The following SGCZ variants were observed in gnomAD, a reference collection of about 807,000 sequenced individuals.
SGCZ encodes zeta-sarcoglycan.
Under a neutral mutation model 41.3 loss-of-function variants are expected in SGCZ, and 40 were observed. The observed-to-expected ratio is 0.97, with a 90% CI of 0.75 to 1.26. The LOEUF (loss-of-function observed/expected upper bound fraction) is 1.26. Among genes scored for constraint, SGCZ ranks in the 50% most tolerant of loss-of-function variants. The pLI, the probability that SGCZ is intolerant of heterozygous loss-of-function variation, is 0.00. For synonymous variants in SGCZ, 206 were observed against 137.5 expected, an observed-to-expected ratio of 1.50 and a Z score of -3.49; for missense variants, 552 against 369.8, an observed-to-expected ratio of 1.49 and a Z score of -4.04.
At position 14,692,243 on chromosome 8, in the gene SGCZ, A is replaced by G. The variant is rs1808823291; in HGVS notation, c.40-137317T>C. On this transcript the variant is annotated intron_variant, in intron 1 of 7. Coordinates refer to ENST00000382080, the MANE Select transcript of SGCZ (RefSeq NM_139167.4). ...CACTTAAATCATTAAGATTAATGAT[A>G]TATCTTAGAATAAAACCAACCATAG... 2.6e-5 allele frequency among the ~76,000 whole-genome samples: 4 copies of G among 152,226 alleles called. No individual in the cohort carries two copies. In the South Asian group the frequency reaches 8.3e-4, roughly 32 times the overall value.
chr8:15,199,929 G>A (rs940587993), intron 1 of SGCZ, among the ~76,000 whole-genome samples: 2 of 152,070 alleles, frequency 1.3e-5, no homozygotes, highest in Admixed American at 6.6e-5. Context: ...AAATGTAAGG[G>A]CCAATTACAA....
rs1330459451 is a variant in SGCZ, at chr8:14,102,515, A to T, written c.621-16T>A. The T allele has an allele frequency of 7.2e-7, 1 of 1,387,216 alleles. No homozygotes were observed. Among genetic ancestry groups the T allele is most frequent in the Non-Finnish European group, 9.5e-7 (1 of 1,056,882 alleles). The allele number at this position is 1,387,216 out of a possible 1,614,324, so 85.9% of individuals were successfully genotyped here. On this transcript the variant is annotated splice_polypyrimidine_tract_variant and intron_variant, in intron 6 of 7. Coordinates refer to ENST00000382080, the MANE Select transcript of SGCZ (RefSeq NM_139167.4). ...TGATTCAAGCCTAAGGGAAAAACAA[A>T]AAATCATTAATAGGAAAAAAAAACA...
At chr8:14,309,297 T>A in intron 3 of SGCZ, 6 of 1,585,508 alleles carry the variant, frequency 3.8e-6, no homozygotes, top group Non-Finnish European at 5.2e-6. Context: ...GACTACTCAC[T>A]TTTTAAGGAT....
In SGCZ at chr8:14,203,525, T is replaced by C. The variant is rs557651541; in HGVS notation, c.424+34067A>G. Among the ~76,000 whole-genome samples, 9 of 152,328 alleles carry C rather than the reference T, an allele frequency of 5.9e-5. No homozygotes were observed. The South Asian group carries it at 1.7e-3, about 28-fold the overall frequency. ...AAATTTTTATTTCACTGGATTCAAT[T>C]TAATGTGCTCCTAAATTTCATCTTT... On this transcript the variant is annotated intron_variant, in intron 4 of 7. Transcript: ENST00000382080.
intron 1 of SGCZ, among the ~76,000 whole-genome samples, chr8:14,592,295 A>G (rs989992390): frequency 6.6e-6 from 1 of 152,184 alleles, no homozygotes; most frequent in African/African-American, 2.4e-5. Context: ...GAATAATGAT[A>G]CATTCTTCTG....
intron 2 of SGCZ, among the ~76,000 whole-genome samples, chr8:14,473,763 C>G (rs1341379754): frequency 2.6e-5 from 4 of 151,906 alleles, no homozygotes; most frequent in Non-Finnish European, 5.9e-5. Context: ...TGGTGAAACC[C>G]TGTCTCTACT....
chr8:14,987,587 C>A (rs1801866093), intron 1 of SGCZ, among the ~76,000 whole-genome samples: 1 of 151,930 alleles, frequency 6.6e-6, no homozygotes, highest in Admixed American at 6.6e-5. Flanking sequence ...ATACTTTCAT[C>A]TTCCACTTAC....
chr8:14,461,835 C>T (rs1800910136), intron 2 of SGCZ, among the ~76,000 whole-genome samples: 1 of 152,070 alleles, frequency 6.6e-6, no homozygotes, highest in Non-Finnish European at 1.5e-5. Context: ...TAGTTGCTTG[C>T]AGTACACTCT....
chr8:14,846,670 A>G lies in SGCZ; in HGVS notation c.40-291744T>C, dbSNP rs1199423879. ...TCTGAATATCTCTGTATATATTTCAACAAATGAATTTGTAGCTAAAACCCT... is the reference window on the plus strand; with the variant it reads ...TCTGAATATCTCTGTATATATTTCAGCAAATGAATTTGTAGCTAAAACCCT... On this transcript the variant is annotated intron_variant, in intron 1 of 7. Coordinates refer to ENST00000382080, the MANE Select transcript of SGCZ (RefSeq NM_139167.4). Among the ~76,000 whole-genome samples, 5 of 150,136 alleles carry G rather than the reference A, an allele frequency of 3.3e-5. No individual in the cohort carries two copies. The East Asian group carries it at 9.9e-4, about 30-fold the overall frequency.
chr8:14,224,034 C>G (rs866925057), intron 4 of SGCZ, among the ~76,000 whole-genome samples: 69 of 152,278 alleles, frequency 4.5e-4, no homozygotes, highest in African/African-American at 1.6e-3. Flanking sequence ...TCAACTTGTA[C>G]CTATTCATCA....
intron 7 of SGCZ, among the ~76,000 whole-genome samples, chr8:14,101,885 CTTTT>C (rs915101726): frequency 1.3e-4 from 19 of 150,784 alleles, no homozygotes; most frequent in Admixed American, 1.1e-3. Flanking sequence ...CAAATATGTA[CTTTT>C]GTTTGTTTGT....
chr8:14,182,863 A>T (rs2117027140), intron 4 of SGCZ, among the ~76,000 whole-genome samples: 1 of 152,162 alleles, frequency 6.6e-6, no homozygotes, highest in African/African-American at 2.4e-5. Context: ...TACAAAAATT[A>T]GCTGAGCGGG....
chr8:14,730,542 T>A, intron 1 of SGCZ, among the ~76,000 whole-genome samples: 1 of 151,910 alleles, frequency 6.6e-6, no homozygotes, highest in East Asian at 1.9e-4. Flanking sequence ...AAGAAGGGAA[T>A]CAGAAACAAC....
rs569062969 is a variant in SGCZ, at chr8:14,345,148, A to G, written c.235-20944T>C. 5.3e-5 allele frequency among the ~76,000 whole-genome samples: 8 copies of G among 152,266 alleles called. 1 individual carries two copies. Among genetic ancestry groups the G allele is most frequent in the African/African-American group, 1.9e-4 (8 of 41,580 alleles). On this transcript the variant is annotated intron_variant, in intron 2 of 7. Coordinates refer to ENST00000382080, the MANE Select transcript of SGCZ (RefSeq NM_139167.4). ...TGAAATGGAAACTTCATAGAAAAGG[A>G]TAGTAAAATACCCGTAAACTTATGA...
chr8:14,524,518 C>T (rs78940051), intron 2 of SGCZ, among the ~76,000 whole-genome samples: 5,036 of 152,192 alleles, frequency 0.033, 267 homozygotes, highest in African/African-American at 0.11. Context: ...GCCTCCTACT[C>T]AGTCCTCTAC....
At chr8:14,208,074 A>G (rs904096307) in intron 4 of SGCZ, among the ~76,000 whole-genome samples, 1 of 152,178 alleles carries the variant, frequency 6.6e-6, no homozygotes, top group African/African-American at 2.4e-5. Flanking sequence ...CATTTACTAC[A>G]AAGGTTTAAA....
At chr8:14,404,965 C>T (rs1799171824) in intron 2 of SGCZ, among the ~76,000 whole-genome samples, 1 of 152,176 alleles carries the variant, frequency 6.6e-6, no homozygotes, top group South Asian at 2.1e-4. Flanking sequence ...CTCCGGGTTG[C>T]AGATCTGGCC....
chr8:14,761,714 C>G (rs1563252099), intron 1 of SGCZ, among the ~76,000 whole-genome samples: 1 of 151,714 alleles, frequency 6.6e-6, no homozygotes, highest in East Asian at 1.9e-4. Flanking sequence ...TTAGTAGAGA[C>G]AGAGTTTCAC....
intron 1 of SGCZ, among the ~76,000 whole-genome samples, chr8:14,819,395 T>C (rs1328461703): frequency 6.6e-6 from 1 of 152,156 alleles, no homozygotes; most frequent in Non-Finnish European, 1.5e-5. Context: ...TTAAGCACTT[T>C]GTATATATCA....
Sources: gnomAD v4.1 joint callset for allele counts (sites outside exome capture counted in the v4.1 genomes callset) on GRCh38, gnomAD v4.1.1 for gene constraint, MANE v1.5 for transcripts, NCBI Gene and HGNC (gene_info 2026-07-23, HGNC 2026-07-21) for gene names.